The following PCDHGA2 variants were observed in gnomAD, a reference collection of about 807,000 sequenced individuals.
PCDHGA2 encodes the protein protocadherin gamma subfamily A, 2.
A neutral mutation model predicts 59.2 loss-of-function variants in PCDHGA2; 40 were observed. That is an observed-to-expected ratio of 0.68 (90% CI 0.52 to 0.88). PCDHGA2 has a LOEUF of 0.88. Among genes scored for constraint, PCDHGA2 ranks in the 40% least tolerant of loss-of-function variants. The probability of loss-of-function intolerance (pLI) is 0.00; values close to 1 mark genes in which losing one functional copy is unlikely to be tolerated. For synonymous variants in PCDHGA2, 560 were observed against 526.0 expected (o/e 1.06, Z -0.89); for missense variants, 1,226 against 1,204.0 (o/e 1.02, Z -0.27).
Position 141,393,951 on chromosome 5 carries a change from G to A in PCDHGA2, c.2424+52556G>A, listed in dbSNP as rs778713382. The A allele has an allele frequency of 6.4e-5, 104 of 1,613,726 alleles. No homozygotes were observed. The highest frequency in any genetic ancestry group is 1.6e-4 in the Middle Eastern group (1 of 6,084). ...GCATGACCAAGACTCTGGAAAGAAT[G>A]GTCAAGTTGTCTGTTACACACGTGA... On this transcript the variant is annotated intron_variant, in intron 1 of 3. Transcript: ENST00000394576.
chr5:141,415,772 T>TC, intron 1 of PCDHGA2: 1 of 1,332,986 alleles, frequency 7.5e-7, no homozygotes. Context: ...TTTTTTTTTT[T>TC]ACTTTCTGGT....
At chr5:141,498,352 C>T (rs1439698389) in intron 2 of PCDHGA2, among the ~76,000 whole-genome samples, 1 of 151,772 alleles carries the variant, frequency 6.6e-6, no homozygotes, top group Non-Finnish European at 1.5e-5. Flanking sequence ...AAAGCCTATG[C>T]AAAAGCCTTG....
At chr5:141,481,879 A>G (rs1204365605) in intron 1 of PCDHGA2, among the ~76,000 whole-genome samples, 1 of 144,890 alleles carries the variant, frequency 6.9e-6, no homozygotes, top group Non-Finnish European at 1.5e-5. Context: ...GCGCCACTGC[A>G]CTCCAGCCTG....
intron 1 of PCDHGA2, chr5:141,362,496 G>A: frequency 1.2e-6 from 2 of 1,614,004 alleles, no homozygotes; most frequent in South Asian, 1.1e-5. Context: ...ATGCCTCTTG[G>A]GAACAAAATA....
In PCDHGA2 at chr5:141,357,431, A is replaced by G. The variant is rs780395182; in HGVS notation, c.2424+16036A>G. 15 of 1,614,198 alleles carry G rather than the reference A, an allele frequency of 9.3e-6. No homozygotes were observed. Among genetic ancestry groups the G allele is most frequent in the Non-Finnish European group, 1.2e-5 (14 of 1,180,042 alleles). On this transcript the variant is annotated intron_variant, in intron 1 of 3. Transcript: ENST00000394576. The stretch of plus-strand genomic sequence containing the variant: ...CCTGCCTCGCACTTTGTGGGCGTGG[A>G]CGGGGTTCGGGCTTTCCTGCAGACC...
chr5:141,345,743 C>A (rs745630768), intron 1 of PCDHGA2: 30 of 1,614,114 alleles, frequency 1.9e-5, no homozygotes, highest in Non-Finnish European at 2.2e-5. Flanking sequence ...TCCCCACAGA[C>A]GGTTCCACTG....
At position 141,486,243 on chromosome 5, in the gene PCDHGA2, G is replaced by A. The variant is rs754924567; in HGVS notation, c.2425-8564G>A. 18 of 1,614,156 alleles carry A rather than the reference G, an allele frequency of 1.1e-5. No individual in the cohort carries two copies. The highest frequency in any genetic ancestry group is 1.4e-5 in the Non-Finnish European group (16 of 1,180,018). ...TACATCACAGTGACCTCAGAGCTTG[G>A]AACCCTCCCCGAGAGTGCAGAACCT... On this transcript the variant is annotated intron_variant, in intron 1 of 3. Coordinates refer to ENST00000394576, the MANE Select transcript of PCDHGA2 (RefSeq NM_018915.4). This position sits in a 1 kb window ranked among gnomAD's most constrained non-coding sequence, Gnocchi z 5.0.
At chr5:141,355,634 A>G in intron 1 of PCDHGA2, 2 of 1,614,002 alleles carry the variant, frequency 1.2e-6, no homozygotes, top group African/African-American at 2.7e-5. Context: ...GTTGCTGAAA[A>G]TGAAAATCCT....
intron 1 of PCDHGA2, chr5:141,389,438 C>A (rs781427097): frequency 6.2e-7 from 1 of 1,610,474 alleles, no homozygotes; most frequent in Non-Finnish European, 8.5e-7. Context: ...AGCGCGCCTT[C>A]GACCACGAGC....
At chr5:141,365,390 A>G in intron 1 of PCDHGA2, 1 of 1,613,968 alleles carries the variant, frequency 6.2e-7, no homozygotes, top group Non-Finnish European at 8.5e-7. Flanking sequence ...CTCTCTGACC[A>G]GTTCGATCTC....
chr5:141,372,491 C>A (rs1413236125), intron 1 of PCDHGA2: 2 of 1,613,944 alleles, frequency 1.2e-6, no homozygotes, highest in Non-Finnish European at 1.7e-6. Flanking sequence ...TGGCCTTGAT[C>A]TCAGTGCTCT....
chr5:141,506,294 C>T (rs1165174121), intron 3 of PCDHGA2, among the ~76,000 whole-genome samples: 1 of 151,888 alleles, frequency 6.6e-6, no homozygotes, highest in African/African-American at 2.4e-5. Context: ...ACTAAAAATA[C>T]AAAAATTAGC....
chr5:141,400,147 C>T lies in PCDHGA2; in HGVS notation c.2424+58752C>T, dbSNP rs751998425. ...GGAGGTGCTGCCGGATATCACTGAC[C>T]GCCCTGTACCCTCTGACCCCCAGGC... On this transcript the variant is annotated intron_variant, in intron 1 of 3. Coordinates refer to ENST00000394576, the MANE Select transcript of PCDHGA2 (RefSeq NM_018915.4). 3.7e-6 allele frequency: 6 copies of T among 1,614,074 alleles called. No homozygotes were observed. In the East Asian group the frequency reaches 1.1e-4, roughly 30 times the overall value.
At chr5:141,420,254 G>C (rs186977117) in intron 1 of PCDHGA2, 3 of 1,569,172 alleles carry the variant, frequency 1.9e-6, no homozygotes, top group Admixed American at 3.8e-5. Context: ...CGTTGAAGCA[G>C]ATAAGAAGAT....
At chr5:141,443,126 A>G (rs972396091) in intron 1 of PCDHGA2, among the ~76,000 whole-genome samples, 1 of 152,190 alleles carries the variant, frequency 6.6e-6, no homozygotes, top group Non-Finnish European at 1.5e-5. Context: ...AACCAGATTA[A>G]GAACACTATC....
At chr5:141,385,033 C>A in intron 1 of PCDHGA2, 1 of 1,614,182 alleles carries the variant, frequency 6.2e-7, no homozygotes, top group South Asian at 1.1e-5. Flanking sequence ...CCTCGTACTG[C>A]TGGCGCTCAG....
intron 1 of PCDHGA2, chr5:141,376,920 C>T (rs527270477): frequency 5.8e-6 from 1 of 173,470 alleles, no homozygotes; most frequent in Admixed American, 5.6e-5. Flanking sequence ...ATCTCCTGAC[C>T]TCATGATCCA....
intron 1 of PCDHGA2, among the ~76,000 whole-genome samples, chr5:141,406,450 G>T (rs2094811564): frequency 6.6e-6 from 1 of 152,194 alleles, no homozygotes; most frequent in South Asian, 2.1e-4. Flanking sequence ...CCATTTCTAT[G>T]ACAGGAAAAC....
chr5:141,394,643 G>T, intron 1 of PCDHGA2: 1 of 1,613,492 alleles, frequency 6.2e-7, no homozygotes, highest in Non-Finnish European at 8.5e-7. Flanking sequence ...GCCTGCTCAA[G>T]GCCAGCGAGC....
Sources: gnomAD v4.1 joint callset for allele counts (sites outside exome capture counted in the v4.1 genomes callset) on GRCh38, gnomAD v4.1.1 for gene constraint, Gnocchi (gnomAD v3.1) non-coding constraint, MANE v1.5 for transcripts, NCBI Gene and HGNC (gene_info 2026-07-23, HGNC 2026-07-21) for gene names.